The following A2M variants were observed in gnomAD, a reference collection of about 807,000 sequenced individuals.
A2M encodes the protein alpha-2-macroglobulin.
Under a neutral mutation model 183.9 loss-of-function variants are expected in A2M, and 128 were observed. The observed-to-expected ratio is 0.70, with a 90% confidence interval of 0.60 to 0.81. The LOEUF (loss-of-function observed/expected upper bound fraction) is 0.81, where lower values mean the gene tolerates loss of function less well. Ranked by LOEUF, A2M falls within the 30% of genes least tolerant of loss-of-function variation. A2M has a pLI of 0.00. For missense variants in A2M, 1,495 were observed against 1,787.6 expected (o/e 0.84, Z 2.95); for synonymous variants, 592 against 670.8 (o/e 0.88, Z 1.81).
rs1377220865 is a variant in A2M, at chr12:9,079,650, T to C, written c.3020A>G (p.Tyr1007Cys). Residue 1007 changes from tyrosine to cysteine, a missense_variant, in exon 24 of 36, where the codon TAT becomes TGT. Coordinates refer to ENST00000318602, the MANE Select transcript of A2M (RefSeq NM_000014.6). The stretch of plus-strand genomic sequence containing the variant: ...AAGTAATCACTCACCAGTGTTGAGA[T>C]AGCCAATGGCCTTGGACTTGATCTC... Reference protein sequence around the residue: ...TPEIKSKAIGYLNTGYQRQLN... With the variant: ...TPEIKSKAIGCLNTGYQRQLN... 2.5e-6 allele frequency: 4 copies of C among 1,613,008 alleles called. No homozygotes were observed. The highest frequency in any genetic ancestry group is 4.5e-5 in the East Asian group (2 of 44,886).
At position 9,072,694 on chromosome 12, in the gene A2M, A is replaced by G. The variant is rs140896462; in HGVS notation, c.3934T>C (p.Tyr1312His). 2 of 1,614,124 alleles carry G rather than the reference A, an allele frequency of 1.2e-6. No homozygotes were observed. Among genetic ancestry groups the G allele is most frequent in the East Asian group, 2.2e-5 (1 of 44,866 alleles). ...QVSLPELPGE[Y>H]SMKVTGEGCV... ...CCTTCTCCTGTCACTTTCATGCTGT[A>G]TTCCCCAGGCAGCTCTGGCAATGAG... Residue 1312 changes from tyrosine (Y) to histidine (H), a missense_variant, in exon 30 of 36, where the codon TAC becomes CAC. Physicochemically the swap from Tyr to His is moderately conservative, Grantham distance 83. Transcript: ENST00000318602.
At position 9,113,551 on chromosome 12, in the gene A2M, T is replaced by C. The variant is rs1698816030; in HGVS notation, c.87-8A>G. The C allele has an allele frequency of 1.2e-6, 2 of 1,611,856 alleles. No homozygotes were observed. Among genetic ancestry groups the C allele is most frequent in the African/African-American group, 1.3e-5 (1 of 74,760 alleles). Reference sequence around the variant, plus strand: ...ACCAGAACCATATACTGCCTGGGAATGAGACGGTTCAGTTAGAGGAAAGTG... The same window carrying C: ...ACCAGAACCATATACTGCCTGGGAACGAGACGGTTCAGTTAGAGGAAAGTG... On this transcript the variant is annotated splice_polypyrimidine_tract_variant and splice_region_variant and intron_variant, in intron 1 of 35. Transcript: ENST00000318602.
rs1167396939 is a variant in A2M, at chr12:9,115,780, A to C, written c.70T>G (p.Ser24Ala). The change falls in exon 1 of 36, where the codon TCA becomes GCA. Residue 24 changes from serine (S) to alanine (A), a missense_variant. Physicochemically the swap from Ser to Ala is moderately conservative, Grantham distance 99. Transcript: ENST00000318602. ...LLLVLLPTDA[S>A]VSGKPQYMVL... Reference sequence around the variant, plus strand: ...GGAACTCACGGTTTTCCAGAGACTGAGGCGTCTGTGGGCAGGAGGACCAAG... The same window carrying C: ...GGAACTCACGGTTTTCCAGAGACTGCGGCGTCTGTGGGCAGGAGGACCAAG... 2 of 1,613,012 alleles carry C rather than the reference A, an allele frequency of 1.2e-6. No homozygotes were observed. Among genetic ancestry groups the C allele is most frequent in the African/African-American group, 2.7e-5 (2 of 74,872 alleles).
At chr12:9,082,498 G>A (rs1948936211) in intron 22 of A2M, among the ~76,000 whole-genome samples, 1 of 152,224 alleles carries the variant, frequency 6.6e-6, no homozygotes, top group South Asian at 2.1e-4. Flanking sequence ...AACTCTGCCT[G>A]CTCAAGGTTG....
At chr12:9,084,550 A>G (rs1948999845) in intron 22 of A2M, among the ~76,000 whole-genome samples, 1 of 151,844 alleles carries the variant, frequency 6.6e-6, no homozygotes, top group African/African-American at 2.4e-5. Context: ...AGCACAGAAC[A>G]AAAATTTTAA....
chr12:9,079,935 CAGGGA>C, intron 23 of A2M, 120 bp from the exon 24 acceptor site: 2 of 1,096,592 alleles, frequency 1.8e-6, no homozygotes, highest in Non-Finnish European at 2.5e-6. Context: ...ATGATTCTTC[CAGGGA>C]TAGAAGTATG....
At chr12:9,093,413 AAT>A in intron 18 of A2M, 50 bp downstream of exon 18, 1 of 1,268,514 alleles carries the variant, frequency 7.9e-7, no homozygotes. Flanking sequence ...AAGAGTTGAA[AAT>A]AGTCAGGGAC....
At chr12:9,101,056 A>C in intron 13 of A2M, 88 bp downstream of exon 13, 1 of 1,281,818 alleles carries the variant, frequency 7.8e-7, no homozygotes, top group Non-Finnish European at 1.1e-6. Context: ...ACCTATGGAA[A>C]AAAAGGGAAA....
intron 22 of A2M, among the ~76,000 whole-genome samples, chr12:9,082,792 C>T (rs1290432534): frequency 6.6e-6 from 1 of 152,138 alleles, no homozygotes; most frequent in Non-Finnish European, 1.5e-5. Context: ...TATATAAATA[C>T]AAAATTAAAT....
rs1371458423 is a variant in A2M at position 9,069,846 on chromosome 12, A to G, written c.4195-33T>C. Reference sequence around the variant, plus strand: ...AAATTGAAATACCACAAATGTTAATAAATAGATGAAACCCCTGGGGGATCC... The same window carrying G: ...AAATTGAAATACCACAAATGTTAATGAATAGATGAAACCCCTGGGGGATCC... On this transcript the variant is annotated intron_variant, in intron 32 of 35. Coordinates refer to ENST00000318602, the MANE Select transcript of A2M (RefSeq NM_000014.6). 3.1e-6 allele frequency: 5 copies of G among 1,597,402 alleles called. No homozygotes were observed. The Admixed American group carries it at 8.3e-5, about 27-fold the overall frequency.
intron 15 of A2M, among the ~76,000 whole-genome samples, chr12:9,096,910 C>G (rs1949397224): frequency 6.6e-6 from 1 of 152,176 alleles, no homozygotes; most frequent in African/African-American, 2.4e-5. Context: ...ACCTAGAACA[C>G]AGTGGGCATT....
At chr12:9,105,192 C>T (rs914748797) in intron 10 of A2M, among the ~76,000 whole-genome samples, 1 of 152,054 alleles carries the variant, frequency 6.6e-6, no homozygotes, top group Non-Finnish European at 1.5e-5. Context: ...ATAGGCTGAC[C>T]CCCATCAGTA....
In A2M at chr12:9,112,517, T is replaced by C; in HGVS notation, c.290A>G (p.Asn97Ser). 3 of 1,613,718 alleles carry C rather than the reference T, an allele frequency of 1.9e-6. No individual in the cohort carries two copies. The highest frequency in any genetic ancestry group is 2.5e-6 in the Non-Finnish European group (3 of 1,179,756). Residue 97 changes from asparagine to serine, a missense_variant, in exon 3 of 36, where the codon AAT (asparagine) becomes AGT (serine). Coordinates refer to ENST00000318602, the MANE Select transcript of A2M (RefSeq NM_000014.6). ...VAFAVPKSSS[N>S]EEVMFLTVQV... ...GACAGTGAGGAACATTACCTCCTCA[T>C]TGGATGAAGACTTTGGGACCTGAAA...
At chr12:9,093,371 C>T (rs1949268286) in intron 18 of A2M, 94 bp downstream of exon 18, 3 of 795,694 alleles carry the variant, frequency 3.8e-6, no homozygotes, top group South Asian at 1.5e-5. Flanking sequence ...ACATCATAAA[C>T]ATATAAAACA....
At chr12:9,078,390 A>G (rs749461310) in intron 25 of A2M, among the ~76,000 whole-genome samples, 1 of 152,272 alleles carries the variant, frequency 6.6e-6, no homozygotes, top group Admixed American at 6.5e-5. Context: ...TTATTGCTGC[A>G]TAGTATTCCA....
Position 9,077,795 on chromosome 12 carries a change from G to A in A2M, c.3182C>T (p.Ala1061Val). The change falls in exon 26 of 36, where the codon GCA becomes GTA. Residue 1061 changes from alanine (A) to valine (V), a missense_variant. Physicochemically the swap from Ala to Val is moderately conservative, Grantham distance 64. Transcript: ENST00000318602. Reference sequence around the variant, plus strand: ...CCATATGAGGGCTTGGGTAATGTGTGCTTCATCGATGAAGATGTAGGCTCG... The same window carrying A: ...CCATATGAGGGCTTGGGTAATGTGTACTTCATCGATGAAGATGTAGGCTCG... The part of the protein sequence containing the change: ...QARAYIFIDE[A>V]HITQALIWLS... The A allele has an allele frequency of 6.2e-7, 1 of 1,614,174 alleles. No individual in the cohort carries two copies.
intron 28 of A2M, among the ~76,000 whole-genome samples, chr12:9,075,582 A>C (rs771775091): frequency 6.9e-6 from 1 of 145,236 alleles, no homozygotes; most frequent in East Asian, 1.9e-4. Context: ...CATAGTGTTG[A>C]ACTTAGAAAA....
chr12:9,070,435 G>A, intron 32 of A2M, 53 bp downstream of exon 32: 1 of 1,175,102 alleles, frequency 8.5e-7, no homozygotes. Context: ...TTATGCTGGG[G>A]ATACATACAT....
intron 22 of A2M, among the ~76,000 whole-genome samples, chr12:9,080,906 T>C (rs1948891049): frequency 6.6e-6 from 1 of 152,086 alleles, no homozygotes; most frequent in South Asian, 2.1e-4. Context: ...AAAGGACAAA[T>C]GGCTAAGCAA....
Sources: gnomAD v4.1 joint callset for allele counts (sites outside exome capture counted in the v4.1 genomes callset) on GRCh38, gnomAD v4.1.1 for gene constraint, MANE v1.5 for transcripts, NCBI Gene and HGNC (gene_info 2026-07-23, HGNC 2026-07-21) for gene names.